The following AGAP1 variants were observed in gnomAD, a reference collection of about 807,000 sequenced individuals.
The protein encoded by AGAP1 is ArfGAP with GTPase domain, ankyrin repeat and PH domain 1, also known as arf-GAP with GTPase, ANK repeat and PH domain-containing protein 1.
Under a neutral mutation model 105.3 loss-of-function variants are expected in AGAP1, and 29 were observed. That is an observed-to-expected ratio of 0.28 (90% CI 0.21 to 0.38). The LOEUF (loss-of-function observed/expected upper bound fraction) is 0.38, where lower values mean the gene tolerates loss of function less well. Among genes scored for constraint, AGAP1 ranks in the 10% least tolerant of loss-of-function variants. The pLI, the probability that AGAP1 is intolerant of heterozygous loss-of-function variation, is 1.00. For synonymous variants in AGAP1, 509 were observed against 485.9 expected (o/e 1.05, Z -0.63); for missense variants, 998 against 1,165.1 (o/e 0.86, Z 2.09).
At chr2:236,077,664 C>T (rs1188533016) in intron 16 of AGAP1, among the ~76,000 whole-genome samples, 3 of 152,128 alleles carry the variant, frequency 2.0e-5, no homozygotes, top group East Asian at 1.9e-4. Flanking sequence ...CACAATAATC[C>T]GTCCATGGTT....
intron 8 of AGAP1, among the ~76,000 whole-genome samples, chr2:235,802,452 C>G (rs1250066103): frequency 1.4e-5 from 2 of 142,836 alleles, no homozygotes; most frequent in African/African-American, 5.3e-5. Flanking sequence ...AATTTGAGAT[C>G]AGATCAGAAA....
intron 1 of AGAP1, among the ~76,000 whole-genome samples, chr2:235,593,826 G>A (rs1945429788): frequency 6.6e-6 from 1 of 152,026 alleles, no homozygotes; most frequent in Admixed American, 6.6e-5. Flanking sequence ...AAAATTAGCT[G>A]GGCATGATGG....
chr2:235,998,437 A>C (rs1308039777), intron 13 of AGAP1, among the ~76,000 whole-genome samples: 2 of 152,174 alleles, frequency 1.3e-5, no homozygotes, highest in African/African-American at 2.4e-5. Context: ...GGGTCCCTCT[A>C]ACTGAGCCCC....
chr2:236,048,605 G>T (rs920193226), intron 15 of AGAP1, among the ~76,000 whole-genome samples: 1 of 152,180 alleles, frequency 6.6e-6, no homozygotes, highest in African/African-American at 2.4e-5. Flanking sequence ...GCCAGTGGCT[G>T]CAGAGGTAGC....
Position 236,040,580 on chromosome 2 carries a change from C to A in AGAP1, c.1801-171C>A. On this transcript the variant is annotated intron_variant, in intron 14 of 17. Coordinates refer to ENST00000304032, the MANE Select transcript of AGAP1 (RefSeq NM_001037131.3). The surrounding 1 kb of genome is among the most constrained non-coding windows in gnomAD (Gnocchi z 5.6). ...CCCCCCGCCCCATGCATGATGATTT[C>A]TTCTTCAGTTATGCTCTTTCCCAAA... The A allele has an allele frequency of 7.3e-6, 1 of 137,580 alleles. No individual in the cohort carries two copies. The highest frequency in any genetic ancestry group is 1.5e-5 in the Non-Finnish European group (1 of 68,162). 8.5% of individuals were successfully genotyped at this position (137,580 alleles called of 1,614,324 possible).
chr2:235,708,303 G>A (rs917577378), intron 1 of AGAP1, among the ~76,000 whole-genome samples: 37 of 152,278 alleles, frequency 2.4e-4, no homozygotes, highest in African/African-American at 8.7e-4. Context: ...TGTGTTGCCC[G>A]AGCTGCCATG....
At chr2:235,803,148 ATGATGGTGATGATGGTTGTGGTTGTGG>A (rs1559506933) in intron 8 of AGAP1, among the ~76,000 whole-genome samples, 1 of 60,820 alleles carries the variant, frequency 1.6e-5, no homozygotes, top group Non-Finnish European at 3.5e-5. Flanking sequence ...GGTGATGGTC[ATGATGGTGATGATGGTTGTGGTTGTGG>A]TGATGGTGAT....
intron 1 of AGAP1, among the ~76,000 whole-genome samples, chr2:235,703,394 G>A (rs1049749560): frequency 6.6e-6 from 1 of 152,130 alleles, no homozygotes. Flanking sequence ...TGGGCAACGG[G>A]ACATCAATTC....
rs1016758201 is a variant in AGAP1, at chr2:235,993,541, T to C, written c.1645+24918T>C. On this transcript the variant is annotated intron_variant, in intron 13 of 17. Transcript: ENST00000304032. This position sits in a 1 kb window ranked among gnomAD's most constrained non-coding sequence, Gnocchi z 5.0. Reference sequence around the variant, plus strand: ...GCGATGTATTTCTTTTCTGCAAGTATGGTTTTGTGTGATAGAAACCAATGC... The same window carrying C: ...GCGATGTATTTCTTTTCTGCAAGTACGGTTTTGTGTGATAGAAACCAATGC... Among the ~76,000 whole-genome samples, 20 of 152,350 alleles carry C rather than the reference T, an allele frequency of 1.3e-4. No homozygotes were observed. Among genetic ancestry groups the C allele is most frequent in the Admixed American group, 8.5e-4 (13 of 15,306 alleles).
In AGAP1 at chr2:236,076,769, A is replaced by C. The variant is rs1274600610; in HGVS notation, c.2114+27488A>C. On this transcript the variant is annotated intron_variant, in intron 16 of 17. Transcript: ENST00000304032. This position sits in a 1 kb window ranked among gnomAD's most constrained non-coding sequence, Gnocchi z 4.4. ...GACCACTTCCTAGAGAAATGCCTCCAGTGAGCCAGGGCTACATTTTGGGAA... is the reference window on the plus strand; with the variant it reads ...GACCACTTCCTAGAGAAATGCCTCCCGTGAGCCAGGGCTACATTTTGGGAA... Among the ~76,000 whole-genome samples the C allele has an allele frequency of 1.3e-5, 2 of 152,158 alleles. No individual in the cohort carries two copies. The highest frequency in any genetic ancestry group is 4.8e-5 in the African/African-American group (2 of 41,448).
At position 235,736,026 on chromosome 2, in the gene AGAP1, T is replaced by C. The variant is rs1249358262; in HGVS notation, c.311-4937T>C. 6.6e-6 allele frequency among the ~76,000 whole-genome samples: 1 copy of C among 151,996 alleles called. No individual in the cohort carries two copies. The highest frequency in any genetic ancestry group is 2.4e-5 in the African/African-American group (1 of 41,402). ...GCTCTAAGCTGAGGATTCCAGGTGA[T>C]GCTGTTTACCTCCTGTGATATCCTT... On this transcript the variant is annotated intron_variant, in intron 3 of 17. Coordinates refer to ENST00000304032, the MANE Select transcript of AGAP1 (RefSeq NM_001037131.3). The surrounding 1 kb of genome is among the most constrained non-coding windows in gnomAD (Gnocchi z 5.5).
intron 9 of AGAP1, among the ~76,000 whole-genome samples, chr2:235,851,807 A>C (rs2048472457): frequency 6.6e-6 from 1 of 152,192 alleles, no homozygotes; most frequent in South Asian, 2.1e-4. Flanking sequence ...TAGGAAAAGA[A>C]ATAAAACCCA....
chr2:236,037,974 C>T lies in AGAP1; in HGVS notation c.1800+1259C>T, dbSNP rs550698879. Among the ~76,000 whole-genome samples, 17 of 152,326 alleles carry T rather than the reference C, an allele frequency of 1.1e-4. No individual in the cohort carries two copies. The East Asian group carries it at 3.3e-3, about 29-fold the overall frequency. On this transcript the variant is annotated intron_variant, in intron 14 of 17. Transcript: ENST00000304032. Reference sequence around the variant, plus strand: ...CTATGATTTATGTGCAGCTTTGTCACTAAAAAGAGAGTCTGTCTTTCAGAA... The same window carrying T: ...CTATGATTTATGTGCAGCTTTGTCATTAAAAAGAGAGTCTGTCTTTCAGAA...
intron 6 of AGAP1, 22 bp from the exon 7 acceptor site, chr2:235,797,737 T>C (rs200756393): frequency 5.8e-5 from 93 of 1,613,908 alleles, no homozygotes; most frequent in African/African-American, 1.3e-5. Flanking sequence ...CATGGATTTC[T>C]TTTTGTCTGT....
chr2:236,077,261 T>C (rs1021077349), intron 16 of AGAP1, among the ~76,000 whole-genome samples: 4 of 151,400 alleles, frequency 2.6e-5, no homozygotes, highest in African/African-American at 9.7e-5. Flanking sequence ...TTAAAGAATT[T>C]AAGAGCCTTT....
At chr2:235,619,559 G>A (rs1260490365) in intron 1 of AGAP1, among the ~76,000 whole-genome samples, 1 of 152,010 alleles carries the variant, frequency 6.6e-6, no homozygotes, top group Non-Finnish European at 1.5e-5. Context: ...TGGGGGAGCT[G>A]GTCAATCCTG....
chr2:235,950,342 G>C (rs1387748227), intron 12 of AGAP1, among the ~76,000 whole-genome samples: 1 of 152,240 alleles, frequency 6.6e-6, no homozygotes, highest in Non-Finnish European at 1.5e-5. Context: ...CAGCCAGCCA[G>C]ACCTGGCCAT....
intron 1 of AGAP1, among the ~76,000 whole-genome samples, chr2:235,699,406 C>T (rs202225046): frequency 1.8e-4 from 27 of 151,836 alleles, no homozygotes; most frequent in Non-Finnish European, 2.8e-4. Context: ...TTGGGGCTGA[C>T]TTTATAACAT....
At chr2:236,031,021 G>A (rs2057205581) in intron 13 of AGAP1, among the ~76,000 whole-genome samples, 1 of 152,184 alleles carries the variant, frequency 6.6e-6, no homozygotes, top group Non-Finnish European at 1.5e-5. Flanking sequence ...AGAACCCCAA[G>A]AGGAGCATTT....
Sources: allele counts gnomAD v4.1 joint callset (sites outside exome capture counted in the v4.1 genomes callset), GRCh38; gene constraint gnomAD v4.1.1; non-coding constraint Gnocchi (gnomAD v3.1); transcripts MANE v1.5; gene names NCBI Gene and HGNC (gene_info 2026-07-23, HGNC 2026-07-21).